SUSD1: variants seen among roughly 807,000 people sequenced by gnomAD.
The protein encoded by SUSD1 is sushi domain containing 1.
In SUSD1, 65 loss-of-function variants were observed where a neutral mutation model predicts 86.9. The ratio of observed to expected loss-of-function variants is 0.75; its 90% CI spans 0.61 to 0.92. SUSD1 has a LOEUF of 0.92. Ranked by LOEUF, SUSD1 falls within the 40% of genes least tolerant of loss-of-function variation. The pLI, the probability that SUSD1 is intolerant of heterozygous loss-of-function variation, is 0.00. For synonymous variants in SUSD1, 346 were observed against 350.0 expected (o/e 0.99, Z 0.13); for missense variants, 850 against 929.7 (o/e 0.91, Z 1.11).
chr9:112,175,211 C>T lies in SUSD1; in HGVS notation c.25G>A (p.Gly9Ser). The T allele has an allele frequency of 1.7e-6, 2 of 1,160,754 alleles. No homozygotes were observed. Among genetic ancestry groups the T allele is most frequent in the Non-Finnish European group, 2.1e-6 (2 of 944,762 alleles). The allele number at this position is 1,160,754 out of a possible 1,614,324, so 71.9% of individuals were successfully genotyped here. A position where few individuals can be genotyped will look rare whatever the true frequency, so the allele number is the denominator to read the frequency against. MGRGPWDA[G>S]PSRRLLPLLL... ...AGCGGCAGCAGGCGGCGAGACGGGC[C>T]CGCATCCCAGGGCCCCCGGCCCATG... Residue 9 changes from glycine (G) to serine (S), a missense_variant, in exon 1 of 17, where the codon GGC becomes AGC. Transcript: ENST00000374270. The surrounding 1 kb of genome is among the most constrained non-coding windows in gnomAD (Gnocchi z 4.7).
Position 112,143,472 on chromosome 9 carries a change from T to C in SUSD1, c.525A>G (p.Thr175=). 1.2e-6 allele frequency: 2 copies of C among 1,611,404 alleles called. No individual in the cohort carries two copies. ...FHPTTDATSC[T]EIDCGTPPEV... is the part of the protein sequence containing the mutation. ...CCGCAATTTTTGGCAGAAACCCACC[T>C]GTGCATGATGTGGCATCGGTGGTCG... The change falls in exon 4 of 17, where the codon ACA becomes ACG. Residue 175 remains threonine (T), a splice_region_variant and synonymous_variant. Transcript: ENST00000374270.
intron 10 of SUSD1, among the ~76,000 whole-genome samples, chr9:112,081,009 T>C (rs925485642): frequency 6.6e-6 from 1 of 152,250 alleles, no homozygotes; most frequent in Non-Finnish European, 1.5e-5. Flanking sequence ...CTGCTCAGTT[T>C]CATAGTAATC....
rs147681348 is a variant in SUSD1, at chr9:112,156,574, T to C, written c.217+926A>G. ...GGCATGTGCCACCACATGTGGCTAA[T>C]TTAAAAAAAACTTTTTTTAGATATG... On this transcript the variant is annotated intron_variant, in intron 2 of 16. Transcript: ENST00000374270. 5.3e-5 allele frequency among the ~76,000 whole-genome samples: 8 copies of C among 152,296 alleles called. No homozygotes were observed. The East Asian group carries it at 1.5e-3, about 29-fold the overall frequency.
chr9:112,106,719 AAG>A (rs1830855295), intron 8 of SUSD1, among the ~76,000 whole-genome samples: 1 of 150,572 alleles, frequency 6.6e-6, no homozygotes, highest in African/African-American at 2.5e-5. Context: ...AACCTAAGAG[AAG>A]AGAGAGGGGA....
intron 8 of SUSD1, chr9:112,104,728 C>T (rs1830765660): frequency 6.6e-6 from 1 of 152,158 alleles, no homozygotes; most frequent in South Asian, 2.1e-4. Flanking sequence ...AACATACTAA[C>T]ATTATCCAAT....
intron 13 of SUSD1, among the ~76,000 whole-genome samples, chr9:112,060,823 G>A (rs1050576089): frequency 6.6e-6 from 1 of 152,114 alleles, no homozygotes; most frequent in African/African-American, 2.4e-5. Context: ...ACCTCCATGC[G>A]GTCCATAAGT....
intron 12 of SUSD1, among the ~76,000 whole-genome samples, chr9:112,072,906 C>A (rs889218948): frequency 1.3e-5 from 2 of 152,202 alleles, no homozygotes; most frequent in Admixed American, 6.5e-5. Flanking sequence ...CCCCTTGGAG[C>A]CAGGGGGGCC....
In SUSD1 at chr9:112,078,539, T is replaced by C. The variant is rs1174099853; in HGVS notation, c.1752A>G (p.Thr584=). 4 of 1,606,010 alleles carry C rather than the reference T, an allele frequency of 2.5e-6. No individual in the cohort carries two copies. The highest frequency in any genetic ancestry group is 3.4e-6 in the Non-Finnish European group (4 of 1,173,460). The change falls in exon 12 of 17, where the codon ACA becomes ACG. Residue 584 remains threonine (T), a splice_region_variant and synonymous_variant. Coordinates refer to ENST00000374270, the MANE Select transcript of SUSD1 (RefSeq NM_022486.5). Reference sequence around the variant, plus strand: ...CAAATGCTGTTATTCAAGATTTACCTGTTATCTGGGTTGTCAGGGAGATGA... The same window carrying C: ...CAAATGCTGTTATTCAAGATTTACCCGTTATCTGGGTTGTCAGGGAGATGA... The part of the protein sequence containing the change: ...PVVISLTTQI[T]EPPLPEVEFF...
intron 12 of SUSD1, among the ~76,000 whole-genome samples, chr9:112,066,978 CTCT>C (rs1564261842): frequency 2.6e-5 from 4 of 152,284 alleles, no homozygotes; most frequent in South Asian, 4.1e-4. Context: ...CAGGTTCAAG[CTCT>C]TCTTCTACCT....
At chr9:112,116,829 A>C (rs1406339083) in intron 6 of SUSD1, among the ~76,000 whole-genome samples, 1 of 152,184 alleles carries the variant, frequency 6.6e-6, no homozygotes, top group Non-Finnish European at 1.5e-5. Flanking sequence ...GAAAGGAAGG[A>C]CTTGAAAGAG....
At chr9:112,102,668 T>A (rs779658173) in intron 8 of SUSD1, among the ~76,000 whole-genome samples, 5 of 152,226 alleles carry the variant, frequency 3.3e-5, no homozygotes, top group Non-Finnish European at 7.3e-5. Flanking sequence ...AAGGTAAGCA[T>A]AGCAGTAGCC....
chr9:112,103,250 AG>A, intron 8 of SUSD1: 1 of 366,626 alleles, frequency 2.7e-6, no homozygotes, highest in Non-Finnish European at 5.4e-6. Context: ...ATTCAGCACA[AG>A]GCAGCCAGCT....
At position 112,041,488 on chromosome 9, in the gene SUSD1, G is replaced by A. The variant is rs751506826; in HGVS notation, c.*4C>T. 5.1e-6 allele frequency: 4 copies of A among 781,042 alleles called. No homozygotes were observed. The Admixed American group carries it at 6.8e-5, about 13-fold the overall frequency. The allele number at this position is 781,042 out of a possible 1,614,324, so 48.4% of individuals were successfully genotyped here. On this transcript the variant is annotated 3_prime_UTR_variant, in exon 17 of 17. Coordinates refer to ENST00000374270, the MANE Select transcript of SUSD1 (RefSeq NM_022486.5). ...CATCCTCCCCACTCAGTGTCCATCTGCCATCTAGACATGGAGGAGGAAAAG... is the reference window on the plus strand; with the variant it reads ...CATCCTCCCCACTCAGTGTCCATCTACCATCTAGACATGGAGGAGGAAAAG...
At chr9:112,050,080 G>C (rs1363761231) in intron 15 of SUSD1, among the ~76,000 whole-genome samples, 1 of 152,144 alleles carries the variant, frequency 6.6e-6, no homozygotes, top group Non-Finnish European at 1.5e-5. Context: ...TGGAAGCTTT[G>C]TCATCTTAAT....
At chr9:112,055,500 G>T (rs753904482) in intron 14 of SUSD1, among the ~76,000 whole-genome samples, 3 of 152,084 alleles carry the variant, frequency 2.0e-5, no homozygotes, top group Non-Finnish European at 4.4e-5. Flanking sequence ...AAAGAAAACA[G>T]AAAACAGTAA....
intron 12 of SUSD1, among the ~76,000 whole-genome samples, chr9:112,063,710 T>C (rs1564258319): frequency 6.6e-6 from 1 of 152,238 alleles, no homozygotes; most frequent in South Asian, 2.1e-4. Flanking sequence ...TCACTGGTAG[T>C]TACAGTCATG....
intron 15 of SUSD1, among the ~76,000 whole-genome samples, chr9:112,046,415 A>G (rs1589568857): frequency 1.3e-5 from 2 of 152,286 alleles, no homozygotes; most frequent in South Asian, 4.1e-4. Context: ...CAGTTACTCA[A>G]TCTTGGAGAA....
intron 12 of SUSD1, among the ~76,000 whole-genome samples, chr9:112,071,822 C>T (rs1427814383): frequency 6.6e-6 from 1 of 152,180 alleles, no homozygotes; most frequent in African/African-American, 2.4e-5. Flanking sequence ...ATAAACACAG[C>T]ATGATGGTTC....
At chr9:112,077,244 C>G (rs116936335) in intron 12 of SUSD1, among the ~76,000 whole-genome samples, 1 of 152,000 alleles carries the variant, frequency 6.6e-6, no homozygotes, top group Non-Finnish European at 1.5e-5. Flanking sequence ...GCCTTACACA[C>G]GAGCAGGGAC....
Sources: gnomAD v4.1 joint callset for allele counts (sites outside exome capture counted in the v4.1 genomes callset) on GRCh38, gnomAD v4.1.1 for gene constraint, Gnocchi (gnomAD v3.1) non-coding constraint, MANE v1.5 for transcripts, NCBI Gene and HGNC (gene_info 2026-07-23, HGNC 2026-07-21) for gene names.